Variants in SH3GL3 observed in about 807,000 individuals in gnomAD.
The protein encoded by SH3GL3 is SH3 domain containing GRB2 like 3, endophilin A3, also known as endophilin-A3.
In SH3GL3, 33 loss-of-function variants were observed where a neutral mutation model predicts 47.7. The observed-to-expected ratio is 0.69, with a 90% CI of 0.52 to 0.92. SH3GL3 has a LOEUF of 0.92. Among genes scored for constraint, SH3GL3 ranks in the 40% least tolerant of loss-of-function variants. SH3GL3 has a pLI of 0.00. For synonymous variants in SH3GL3, 155 were observed against 148.8 expected (o/e 1.04, Z -0.30); for missense variants, 363 against 417.8 (o/e 0.87, Z 1.14).
intron 4 of SH3GL3, among the ~76,000 whole-genome samples, chr15:83,570,027 A>T (rs921479704): frequency 1.3e-5 from 2 of 148,486 alleles, no homozygotes; most frequent in African/African-American, 4.9e-5. Flanking sequence ...GAAGCTCTTT[A>T]GTCTTCCTAT....
chr15:83,468,852 A>T (rs781086484), intron 1 of SH3GL3, among the ~76,000 whole-genome samples: 2 of 149,856 alleles, frequency 1.3e-5, no homozygotes, highest in Non-Finnish European at 3.0e-5. Flanking sequence ...AATAAAATTA[A>T]CTGGGAAATG....
intron 8 of SH3GL3, among the ~76,000 whole-genome samples, chr15:83,592,783 C>G (rs868037233): frequency 3.9e-4 from 60 of 152,206 alleles, no homozygotes; most frequent in African/African-American, 1.4e-3. Flanking sequence ...TCTAAAAATC[C>G]TTTTTAATCT....
intron 1 of SH3GL3, among the ~76,000 whole-genome samples, chr15:83,502,255 A>C (rs2042327914): frequency 6.6e-6 from 1 of 152,372 alleles, no homozygotes. Flanking sequence ...TCAGCATCCC[A>C]GAGCCTAAGG....
At chr15:83,568,704 G>C (rs56067534) in intron 4 of SH3GL3, 32 bp downstream of exon 4, 86,049 of 1,576,658 alleles carry the variant, frequency 0.055, 2,705 homozygotes, top group Non-Finnish European at 0.064. Flanking sequence ...TGGGGGAGCT[G>C]AGAACTCCTC....
intron 1 of SH3GL3, among the ~76,000 whole-genome samples, chr15:83,515,688 AT>A (rs1356730214): frequency 1.1e-4 from 16 of 152,340 alleles, no homozygotes; most frequent in Admixed American, 2.6e-4. Context: ...CTAAGTGTTA[AT>A]TTATGCTTAT....
At chr15:83,456,811 A>G (rs2040008604) in intron 1 of SH3GL3, among the ~76,000 whole-genome samples, 1 of 152,032 alleles carries the variant, frequency 6.6e-6, no homozygotes, top group South Asian at 2.1e-4. Context: ...AGCTGTTCCT[A>G]TTCGGCCATC....
rs116879348 is a variant in SH3GL3, at chr15:83,585,840, C to T, written c.625-1143C>T. 3.0e-3 allele frequency among the ~76,000 whole-genome samples: 464 copies of T among 152,166 alleles called. 6 individuals carry two copies. The highest frequency in any genetic ancestry group is 4.8e-3 in the Non-Finnish European group (329 of 67,990). ...GTGTCTCTTACATGCATATTGAGCC[C>T]GTGTTTAAAATAGTATAAGTGAGTA... On this transcript the variant is annotated intron_variant, in intron 6 of 8. Coordinates refer to ENST00000427482, the MANE Select transcript of SH3GL3 (RefSeq NM_003027.5).
At chr15:83,475,959 A>G (rs1422057392) in intron 1 of SH3GL3, among the ~76,000 whole-genome samples, 1 of 152,220 alleles carries the variant, frequency 6.6e-6, no homozygotes, top group Admixed American at 6.5e-5. Context: ...AATGTTTTGC[A>G]GTTAGTTAAT....
At chr15:83,595,113 G>A (rs1021661374) in intron 8 of SH3GL3, among the ~76,000 whole-genome samples, 3 of 152,094 alleles carry the variant, frequency 2.0e-5, no homozygotes, top group East Asian at 1.9e-4. Flanking sequence ...AATGCCCATC[G>A]GTGGCAGACT....
chr15:83,562,508 A>G (rs1382298282), intron 2 of SH3GL3, among the ~76,000 whole-genome samples: 1 of 152,182 alleles, frequency 6.6e-6, no homozygotes, highest in Non-Finnish European at 1.5e-5. Context: ...AATTTGTTAC[A>G]TTATAAATCT....
chr15:83,498,913 G>A (rs1015152918), intron 1 of SH3GL3, among the ~76,000 whole-genome samples: 1 of 152,138 alleles, frequency 6.6e-6, no homozygotes, highest in Non-Finnish European at 1.5e-5. Context: ...GCCCTGTTGG[G>A]TTATCCCTTT....
At chr15:83,507,207 AC>A (rs1309429833) in intron 1 of SH3GL3, among the ~76,000 whole-genome samples, 8 of 151,812 alleles carry the variant, frequency 5.3e-5, no homozygotes, top group African/African-American at 1.9e-4. Flanking sequence ...ACAGGGTTTC[AC>A]CGTGTTAACC....
At chr15:83,590,933 G>A (rs186268926) in intron 8 of SH3GL3, among the ~76,000 whole-genome samples, 3 of 152,266 alleles carry the variant, frequency 2.0e-5, no homozygotes, top group East Asian at 3.9e-4. Context: ...GAAGTCCAAT[G>A]TATTCATGTT....
chr15:83,498,520 C>T (rs959990230), intron 1 of SH3GL3, among the ~76,000 whole-genome samples: 4 of 152,192 alleles, frequency 2.6e-5, no homozygotes, highest in African/African-American at 4.8e-5. Flanking sequence ...ATTCATTCAA[C>T]GCTTCTGAGT....
At chr15:83,545,735 A>C (rs1259057853) in intron 1 of SH3GL3, among the ~76,000 whole-genome samples, 1 of 152,216 alleles carries the variant, frequency 6.6e-6, no homozygotes, top group African/African-American at 2.4e-5. Flanking sequence ...CTATATGTGC[A>C]TTAGGGAGTG....
intron 1 of SH3GL3, among the ~76,000 whole-genome samples, chr15:83,541,324 T>C (rs2044150499): frequency 6.3e-5 from 4 of 63,262 alleles, no homozygotes; most frequent in Admixed American, 5.7e-4. Context: ...TTTTTTTTTT[T>C]TTTTTTTTTT....
chr15:83,466,628 A>G (rs528597111), intron 1 of SH3GL3, among the ~76,000 whole-genome samples: 1 of 152,348 alleles, frequency 6.6e-6, no homozygotes, highest in African/African-American at 2.4e-5. Flanking sequence ...AGAAACTATC[A>G]ACCTCTTTTC....
chr15:83,584,373 A>G (rs1185059090), intron 6 of SH3GL3, among the ~76,000 whole-genome samples: 2 of 152,206 alleles, frequency 1.3e-5, no homozygotes, highest in Admixed American at 6.5e-5. Context: ...TAACTCAATC[A>G]TAACCGCAAA....
At chr15:83,545,656 A>G (rs1171655815) in intron 1 of SH3GL3, among the ~76,000 whole-genome samples, 1 of 152,168 alleles carries the variant, frequency 6.6e-6, no homozygotes, top group Non-Finnish European at 1.5e-5. Flanking sequence ...TATACCTATC[A>G]TTCCTCTGAA....
Sources: allele counts gnomAD v4.1 joint callset (sites outside exome capture counted in the v4.1 genomes callset), GRCh38; gene constraint gnomAD v4.1.1; transcripts MANE v1.5; gene names NCBI Gene and HGNC (gene_info 2026-07-23, HGNC 2026-07-21).